NEGR1: variants seen among roughly 807,000 people sequenced by gnomAD.
NEGR1 encodes the protein neuronal growth regulator 1, also known as IgLON family member 4.
Under a neutral mutation model 40.9 loss-of-function variants are expected in NEGR1, and 10 were observed. The ratio of observed to expected loss-of-function variants is 0.24; its 90% CI spans 0.15 to 0.42. The LOEUF (loss-of-function observed/expected upper bound fraction) is 0.42. NEGR1 is among the 10% of genes least tolerant of loss of function. The pLI is 1.00. For missense variants in NEGR1, 352 were observed against 438.9 expected, an observed-to-expected ratio of 0.80 and a Z score of 1.77; for synonymous variants, 185 against 166.8, an observed-to-expected ratio of 1.11 and a Z score of -0.84.
At chr1:71,906,152 T>C (rs556699852) in intron 2 of NEGR1, among the ~76,000 whole-genome samples, 4 of 152,150 alleles carry the variant, frequency 2.6e-5, no homozygotes, top group Non-Finnish European at 5.9e-5. Context: ...TTCTGGGTGC[T>C]GCCCAATTCA....
At chr1:71,726,911 C>T (rs1394801229) in intron 3 of NEGR1, among the ~76,000 whole-genome samples, 1 of 152,106 alleles carries the variant, frequency 6.6e-6, no homozygotes, top group Non-Finnish European at 1.5e-5. Context: ...TACCACTAAT[C>T]CTTCAGGTAT....
At chr1:71,497,774 C>T (rs1646974829) in intron 6 of NEGR1, among the ~76,000 whole-genome samples, 1 of 151,938 alleles carries the variant, frequency 6.6e-6, no homozygotes, top group African/African-American at 2.4e-5. Flanking sequence ...AGATATAGAA[C>T]AAACAATTAT....
intron 1 of NEGR1, among the ~76,000 whole-genome samples, chr1:71,987,741 A>G (rs759271273): frequency 1.3e-5 from 2 of 151,838 alleles, no homozygotes; most frequent in Non-Finnish European, 2.9e-5. Flanking sequence ...TGGCCAGGGG[A>G]AAATCTCTGG....
chr1:72,026,431 C>T (rs947343469), intron 1 of NEGR1, among the ~76,000 whole-genome samples: 13 of 150,614 alleles, frequency 8.6e-5, no homozygotes, highest in Admixed American at 6.6e-4. Flanking sequence ...AAGAGTTAAA[C>T]TAGCTGACGT....
intron 1 of NEGR1, among the ~76,000 whole-genome samples, chr1:71,979,751 A>G (rs536478272): frequency 7.9e-5 from 12 of 152,292 alleles, no homozygotes; most frequent in Admixed American, 2.6e-4. Context: ...AAGCAGGTCA[A>G]TCTGAGCCAC....
intron 4 of NEGR1, among the ~76,000 whole-genome samples, chr1:71,646,734 G>A (rs1051691275): frequency 1.3e-5 from 2 of 151,822 alleles, no homozygotes; most frequent in African/African-American, 4.8e-5. Context: ...TAATAGATAA[G>A]TCTCAGAGAG....
intron 4 of NEGR1, among the ~76,000 whole-genome samples, chr1:71,620,773 C>T (rs989588840): frequency 1.3e-5 from 2 of 151,790 alleles, no homozygotes; most frequent in African/African-American, 2.4e-5. Flanking sequence ...TGTAATGTAC[C>T]TCCAGCTTCC....
chr1:71,720,471 A>T (rs1340342007), intron 3 of NEGR1, among the ~76,000 whole-genome samples: 1 of 152,122 alleles, frequency 6.6e-6, no homozygotes, highest in East Asian at 1.9e-4. Flanking sequence ...AATTCCTCTC[A>T]TTATTAATTA....
At chr1:71,958,083 C>G (rs140552679) in intron 1 of NEGR1, among the ~76,000 whole-genome samples, 1 of 152,224 alleles carries the variant, frequency 6.6e-6, no homozygotes, top group Admixed American at 6.5e-5. Flanking sequence ...AGAGTTTCCA[C>G]TGAAGTATGT....
intron 3 of NEGR1, among the ~76,000 whole-genome samples, chr1:71,743,420 C>A (rs1240547962): frequency 7.0e-6 from 1 of 141,986 alleles, no homozygotes; most frequent in Admixed American, 7.0e-5. Flanking sequence ...TTTTTTTTTT[C>A]CAAAGGCAGC....
At chr1:72,149,524 C>T (rs1276209068) in intron 1 of NEGR1, among the ~76,000 whole-genome samples, 1 of 152,098 alleles carries the variant, frequency 6.6e-6, no homozygotes, top group African/African-American at 2.4e-5. Context: ...TATTTTAACA[C>T]ATACATTTCT....
chr1:72,051,134 G>C (rs980645177), intron 1 of NEGR1, among the ~76,000 whole-genome samples: 6 of 151,300 alleles, frequency 4.0e-5, no homozygotes, highest in African/African-American at 1.5e-4. Flanking sequence ...TCTCTAAATG[G>C]CTGATGTTTA....
At chr1:72,273,920 T>G (rs2100562153) in intron 1 of NEGR1, among the ~76,000 whole-genome samples, 1 of 151,694 alleles carries the variant, frequency 6.6e-6, no homozygotes, top group Admixed American at 6.6e-5. Context: ...ATTGGCCTGA[T>G]ACATGAAAGC....
At chr1:72,261,994 T>C (rs1472115891) in intron 1 of NEGR1, among the ~76,000 whole-genome samples, 1 of 151,944 alleles carries the variant, frequency 6.6e-6, no homozygotes, top group Non-Finnish European at 1.5e-5. Context: ...AAATTGCACT[T>C]GCACCCCCTA....
chr1:71,942,455 C>CTATCTATATATATATATATA (rs1342537095), intron 1 of NEGR1, among the ~76,000 whole-genome samples: 3 of 21,298 alleles, frequency 1.4e-4, no homozygotes, highest in Non-Finnish European at 2.4e-4. Context: ...TTCTTTAAAT[C>CTATCTATATATATATATATA]TATATATATA....
In NEGR1 at chr1:71,611,128, T is replaced by C; in HGVS notation, c.686A>G (p.Glu229Gly). 1 of 1,613,948 alleles carries C rather than the reference T, an allele frequency of 6.2e-7. No individual in the cohort carries two copies. The highest frequency in any genetic ancestry group is 8.5e-7 in the Non-Finnish European group (1 of 1,179,924). The change falls in exon 5 of 7, where the codon GAA becomes GGA. Residue 229 changes from glutamate (E) to glycine (G), a missense_variant. Around this residue, in one of 5 missense-constraint regions of NEGR1, gnomAD observed 184 missense variants for 208.7 expected, o/e 0.88. Coordinates refer to ENST00000357731, the MANE Select transcript of NEGR1 (RefSeq NM_173808.3). ...VVVNFAPTIQ[E>G]IKSGTVTPGR... ...GGGGGTCACGGTGCCAGATTTAATT[T>C]CCTGAATAGTAGGAGCAACTGCAAA... is the stretch of plus-strand genomic sequence containing the variant.
chr1:71,562,669 T>G (rs1181462114), intron 6 of NEGR1, among the ~76,000 whole-genome samples: 2 of 151,976 alleles, frequency 1.3e-5, no homozygotes, highest in Admixed American at 6.6e-5. Context: ...TTTTCTTTTA[T>G]TTAGGGGCTG....
intron 6 of NEGR1, among the ~76,000 whole-genome samples, chr1:71,553,916 T>C (rs143693906): frequency 1.3e-5 from 2 of 151,660 alleles, no homozygotes; most frequent in Admixed American, 1.3e-4. Context: ...TTCCTTTTGA[T>C]GATAGAAAAT....
chr1:71,502,584 G>C (rs1647006566), intron 6 of NEGR1, among the ~76,000 whole-genome samples: 1 of 152,164 alleles, frequency 6.6e-6, no homozygotes, highest in African/African-American at 2.4e-5. Flanking sequence ...CTCTCGCAGA[G>C]AGGGGAGATG....
Sources: gnomAD v4.1 joint callset for allele counts (sites outside exome capture counted in the v4.1 genomes callset) on GRCh38, gnomAD v4.1.1 for gene constraint, gnomAD v4.1.1 regional missense constraint, MANE v1.5 for transcripts, NCBI Gene and HGNC (gene_info 2026-07-23, HGNC 2026-07-21) for gene names.